The following ZFYVE16 variants were observed in gnomAD, a reference collection of about 807,000 sequenced individuals.
ZFYVE16 encodes zinc finger FYVE domain-containing protein 16.
Under a neutral mutation model 138.1 loss-of-function variants are expected in ZFYVE16, and 89 were observed. The ratio of observed to expected loss-of-function variants is 0.64; its 90% CI spans 0.54 to 0.77. The LOEUF is 0.77. Ranked by LOEUF, ZFYVE16 falls within the 30% of genes least tolerant of loss-of-function variation. The probability of loss-of-function intolerance (pLI) is 0.00; values close to 1 mark genes in which losing one functional copy is unlikely to be tolerated. For synonymous variants in ZFYVE16, 596 were observed against 618.3 expected (o/e 0.96, Z 0.53); for missense variants, 1,793 against 1,786.7 (o/e 1.00, Z -0.06).
In ZFYVE16 at chr5:80,443,268, A is replaced by G; in HGVS notation, c.2565A>G (p.Lys855=). Reference sequence around the variant, plus strand: ...CAACTTTGCCAGTCTCAGCACTTAAACAACCAGGTGTTGAAGGTAATAGAA... The same window carrying G: ...CAACTTTGCCAGTCTCAGCACTTAAGCAACCAGGTGTTGAAGGTAATAGAA... ...SPATLPVSAL[K]QPGVEGLCSK... The change falls in exon 6 of 19, where the codon AAA becomes AAG. Residue 855 remains lysine, a synonymous_variant. Transcript: ENST00000505560. The G allele has an allele frequency of 1.2e-6, 2 of 1,608,374 alleles. No individual in the cohort carries two copies. Among genetic ancestry groups the G allele is most frequent in the South Asian group, 2.2e-5 (2 of 89,606 alleles).
At chr5:80,424,498 G>C (rs939933878) in intron 1 of ZFYVE16, among the ~76,000 whole-genome samples, 1 of 141,394 alleles carries the variant, frequency 7.1e-6, no homozygotes, top group Non-Finnish European at 1.5e-5. Context: ...ATCTTGCTCT[G>C]TTGCCCAGGC....
chr5:80,436,828 C>T lies in ZFYVE16; in HGVS notation c.143C>T (p.Ala48Val). The T allele has an allele frequency of 6.2e-7, 1 of 1,614,164 alleles. No homozygotes were observed. The highest frequency in any genetic ancestry group is 1.1e-5 in the South Asian group (1 of 91,080). The change falls in exon 4 of 19, where the codon GCT (alanine) becomes GTT (valine). Residue 48 changes from alanine to valine, a missense_variant. Ala to Val is a moderately conservative substitution (Grantham distance 64, BLOSUM62 0). Around this residue, in one of 2 missense-constraint regions of ZFYVE16, gnomAD observed 1,295 missense variants for 1,204.3 expected, o/e 1.08. Coordinates refer to ENST00000505560, the MANE Select transcript of ZFYVE16 (RefSeq NM_001284236.3). ...CACTGCTCAGTTTCTTCAGAGTTGG[C>T]TTCCTCACAGCGAACTTCATTGCTC... ...SNHCSVSSEL[A>V]SSQRTSLLPK...
At chr5:80,470,412 A>G (rs1298465474) in intron 15 of ZFYVE16, among the ~76,000 whole-genome samples, 1 of 151,948 alleles carries the variant, frequency 6.6e-6, no homozygotes, top group Admixed American at 6.6e-5. Context: ...CTTTGAATAT[A>G]TTTATTATAG....
chr5:80,440,950 C>T, intron 5 of ZFYVE16: 7 of 985,234 alleles, frequency 7.1e-6, no homozygotes, highest in Non-Finnish European at 8.4e-6. Context: ...AGTCTGTTAG[C>T]CTGAGGTAAG....
chr5:80,479,719 G>T lies in ZFYVE16; in HGVS notation c.*2342G>T, dbSNP rs1230444547. On this transcript the variant is annotated 3_prime_UTR_variant, in exon 19 of 19. Coordinates refer to ENST00000505560, the MANE Select transcript of ZFYVE16 (RefSeq NM_001284236.3). ...ACAATAAGGAATGCCAAGTCCAAAA[G>T]TAAAGAGAATAAGAGAAGCAAGCAT... Among the ~76,000 whole-genome samples the T allele has an allele frequency of 6.6e-6, 1 of 152,182 alleles. No individual in the cohort carries two copies. Among genetic ancestry groups the T allele is most frequent in the Non-Finnish European group, 1.5e-5 (1 of 68,016 alleles).
At chr5:80,433,979 A>G in intron 2 of ZFYVE16, 130 bp from the exon 3 acceptor site, 1 of 581,062 alleles carries the variant, frequency 1.7e-6, no homozygotes, top group South Asian at 3.4e-5. Context: ...TAAATTGTAT[A>G]TTCCTTAAAG....
chr5:80,431,420 G>T (rs1169901233), intron 2 of ZFYVE16, among the ~76,000 whole-genome samples: 1 of 152,108 alleles, frequency 6.6e-6, no homozygotes, highest in Non-Finnish European at 1.5e-5. Flanking sequence ...AATAAATTAG[G>T]TATTGATGAG....
intron 1 of ZFYVE16, among the ~76,000 whole-genome samples, chr5:80,418,830 C>G (rs1247118490): frequency 2.0e-5 from 3 of 152,094 alleles, no homozygotes; most frequent in Non-Finnish European, 4.4e-5. Context: ...TTTAAAAACT[C>G]CTCACCAAAC....
intron 2 of ZFYVE16, among the ~76,000 whole-genome samples, chr5:80,427,749 C>T (rs1383327543): frequency 6.7e-6 from 1 of 150,234 alleles, no homozygotes; most frequent in African/African-American, 2.4e-5. Flanking sequence ...CTGAGACGGG[C>T]AGAAGACTTG....
chr5:80,456,544 A>G lies in ZFYVE16; in HGVS notation c.3774A>G (p.Ile1258Met). The G allele has an allele frequency of 6.2e-7, 1 of 1,612,224 alleles. No homozygotes were observed. Reference protein sequence around the residue: ...HMEMGKSCIKIPRKKYSDVMK... With the variant: ...HMEMGKSCIKMPRKKYSDVMK... The stretch of plus-strand genomic sequence containing the variant: ...AAATGGGAAAAAGCTGCATAAAAAT[A>G]CCACGGAAAAAGTACAGTGATGTAA... The change falls in exon 13 of 19, where the codon ATA (isoleucine) becomes ATG (methionine). Residue 1258 changes from isoleucine (I) to methionine (M), a missense_variant. By Grantham distance (10) the Ile-to-Met change is conservative. Around this residue, in one of 2 missense-constraint regions of ZFYVE16, gnomAD observed 498 missense variants for 582.4 expected, o/e 0.86. Coordinates refer to ENST00000505560, the MANE Select transcript of ZFYVE16 (RefSeq NM_001284236.3).
intron 1 of ZFYVE16, among the ~76,000 whole-genome samples, chr5:80,412,866 G>A (rs1049351252): frequency 6.6e-6 from 1 of 152,164 alleles, no homozygotes; most frequent in Admixed American, 6.5e-5. Context: ...CAGTCAAATA[G>A]TACTTCAAGG....
intron 15 of ZFYVE16, among the ~76,000 whole-genome samples, chr5:80,462,492 G>A (rs1753233053): frequency 6.6e-6 from 1 of 152,144 alleles, no homozygotes; most frequent in African/African-American, 2.4e-5. Flanking sequence ...CCTCCACCTG[G>A]TCTCTCCCTT....
At chr5:80,461,657 A>C (rs1395250882) in intron 15 of ZFYVE16, among the ~76,000 whole-genome samples, 3 of 152,138 alleles carry the variant, frequency 2.0e-5, no homozygotes. Flanking sequence ...AGAGAGCTCC[A>C]GTATCTCTTC....
intron 15 of ZFYVE16, among the ~76,000 whole-genome samples, chr5:80,465,400 GTTTTTTTTTTTTT>G (rs3072097): frequency 1.5e-4 from 4 of 26,780 alleles, no homozygotes; most frequent in Middle Eastern, 0.05. Context: ...CCTTTTCTTT[GTTTTTTTTTTTTT>G]TTTTTTTTTT....
Position 80,478,697 on chromosome 5 carries a change from T to A in ZFYVE16, c.*1320T>A, listed in dbSNP as rs1755122106. The A allele has an allele frequency of 6.6e-6, 1 of 152,054 alleles. No homozygotes were observed. The allele number at this position is 152,054 out of a possible 1,614,324, so 9.4% of individuals were successfully genotyped here. A position where few individuals can be genotyped will look rare whatever the true frequency, so the allele number is the denominator to read the frequency against. ...TTTATGAAGCATCTCAACTTGAAGA[T>A]CAAGTCAAAGTTATAACTCAGGATC... is the stretch of plus-strand genomic sequence containing the variant. On this transcript the variant is annotated 3_prime_UTR_variant, in exon 19 of 19. Transcript: ENST00000505560.
Position 80,437,964 on chromosome 5 carries a change from C to CCATT in ZFYVE16, c.1282_1285dup (p.Lys429IlefsTer5). 1 of 1,613,818 alleles carries CCATT rather than the reference C, an allele frequency of 6.2e-7. No homozygotes were observed. Among genetic ancestry groups the CCATT allele is most frequent in the Non-Finnish European group, 8.5e-7 (1 of 1,179,904 alleles). On this transcript the variant is annotated frameshift_variant, in exon 4 of 19. Transcript: ENST00000505560. LOFTEE classifies it high-confidence loss of function. ...GAACAGTGTTGTTCTAGGTGGGGAA[C>CCATT]CATTCAAAGAGAATGATCTTTTGAA...
At position 80,438,349 on chromosome 5, in the gene ZFYVE16, A is replaced by G. The variant is rs779011222; in HGVS notation, c.1664A>G (p.Asn555Ser). 5 of 1,613,650 alleles carry G rather than the reference A, an allele frequency of 3.1e-6. No homozygotes were observed. The highest frequency in any genetic ancestry group is 4.2e-6 in the Non-Finnish European group (5 of 1,179,866). ...ATAAAGTCTTTTGAAGAAAATGTAA[A>G]TGACTCTAAATCGCAAATGAATCAG... ...TNIKSFEENV[N>S]DSKSQMNQID... Residue 555 changes from asparagine (N) to serine (S), a missense_variant, in exon 4 of 19, where the codon AAT becomes AGT. By Grantham distance (46) the Asn-to-Ser change is conservative. Coordinates refer to ENST00000505560, the MANE Select transcript of ZFYVE16 (RefSeq NM_001284236.3).
intron 1 of ZFYVE16, among the ~76,000 whole-genome samples, chr5:80,423,931 A>AT (rs201402506): frequency 0.023 from 3,215 of 137,098 alleles, 64 homozygotes; most frequent in South Asian, 0.041. Flanking sequence ...TTGATTTTAG[A>AT]TTTTTTTTTT....
chr5:80,465,115 G>A (rs192304183), intron 15 of ZFYVE16, among the ~76,000 whole-genome samples: 39 of 151,860 alleles, frequency 2.6e-4, no homozygotes, highest in African/African-American at 9.4e-4. Flanking sequence ...AACCTATGTA[G>A]TTACCTTACC....
Sources: gnomAD v4.1 joint callset for allele counts (sites outside exome capture counted in the v4.1 genomes callset) on GRCh38, gnomAD v4.1.1 for gene constraint, gnomAD v4.1.1 regional missense constraint, MANE v1.5 for transcripts, NCBI Gene and HGNC (gene_info 2026-07-23, HGNC 2026-07-21) for gene names.